Variants in RUNX2 observed in about 807,000 individuals in gnomAD.
RUNX2 encodes RUNX family transcription factor 2.
A neutral mutation model predicts 51.7 loss-of-function variants in RUNX2; 10 were observed. The observed-to-expected ratio is 0.19, with a 90% confidence interval of 0.12 to 0.33. RUNX2 has a LOEUF of 0.33. RUNX2 is among the 10% of genes least tolerant of loss of function. RUNX2 has a pLI of 1.00. For missense variants in RUNX2, 562 were observed against 691.3 expected (o/e 0.81, Z 2.10); for synonymous variants, 276 against 273.6 (o/e 1.01, Z -0.09).
At position 45,475,299 on chromosome 6, in the gene RUNX2, G is replaced by T. The variant is rs183524252; in HGVS notation, c.686-16642G>T. ...ACTTCTATTTGAGGGTGGAGGGGAG[G>T]TTTTATTGAAGTCAAGGCGTTTGAG... On this transcript the variant is annotated intron_variant, in intron 5 of 8. Coordinates refer to ENST00000647337, the MANE Select transcript of RUNX2 (RefSeq NM_001024630.4). Among the ~76,000 whole-genome samples the T allele has an allele frequency of 3.8e-4, 58 of 152,150 alleles. No homozygotes were observed. The East Asian group carries it at 9.7e-3, about 25-fold the overall frequency.
intron 2 of RUNX2, among the ~76,000 whole-genome samples, chr6:45,361,971 A>G (rs1794339116): frequency 6.6e-6 from 1 of 152,190 alleles, no homozygotes; most frequent in South Asian, 2.1e-4. Context: ...AAATCACTTG[A>G]GGCCGGGAGG....
At chr6:45,496,595 T>C (rs1473490928) in intron 6 of RUNX2, among the ~76,000 whole-genome samples, 6 of 152,146 alleles carry the variant, frequency 3.9e-5, no homozygotes, top group Admixed American at 2.6e-4. Flanking sequence ...CTGTGAGGAA[T>C]GACATTTCAG....
At chr6:45,419,870 T>C (rs900909466) in intron 2 of RUNX2, among the ~76,000 whole-genome samples, 2 of 151,164 alleles carry the variant, frequency 1.3e-5, no homozygotes, top group Admixed American at 6.6e-5. Flanking sequence ...TGGCGCAGAA[T>C]CGCTTCTCGG....
chr6:45,423,088 A>G, intron 3 of RUNX2, 131 bp downstream of exon 3: 2 of 1,135,652 alleles, frequency 1.8e-6, no homozygotes, highest in South Asian at 1.5e-5. Context: ...AACCCCAGAA[A>G]CCCCCGGCCG....
At chr6:45,455,904 G>A (rs927326865) in intron 5 of RUNX2, among the ~76,000 whole-genome samples, 3 of 152,166 alleles carry the variant, frequency 2.0e-5, no homozygotes, top group Admixed American at 6.5e-5. Context: ...CCATTGTAGA[G>A]AGGTAATCAT....
At chr6:45,511,391 C>T (rs1044263882) in intron 6 of RUNX2, among the ~76,000 whole-genome samples, 1 of 152,170 alleles carries the variant, frequency 6.6e-6, no homozygotes, top group Non-Finnish European at 1.5e-5. Flanking sequence ...TTCTTCTAAA[C>T]AGATTCCAGT....
intron 3 of RUNX2, among the ~76,000 whole-genome samples, chr6:45,428,467 A>T (rs1280170247): frequency 2.0e-5 from 3 of 152,188 alleles, no homozygotes; most frequent in Non-Finnish European, 4.4e-5. Context: ...GCAGAAAAAA[A>T]ACCAATATAT....
chr6:45,351,538 C>G (rs1165533352), intron 2 of RUNX2, among the ~76,000 whole-genome samples: 1 of 152,128 alleles, frequency 6.6e-6, no homozygotes, highest in Non-Finnish European at 1.5e-5. Flanking sequence ...AAGAAGACTT[C>G]CAGGACGATG....
chr6:45,515,489 A>G (rs1482724122), intron 7 of RUNX2, among the ~76,000 whole-genome samples: 7 of 152,216 alleles, frequency 4.6e-5, no homozygotes, highest in East Asian at 3.8e-4. Flanking sequence ...TTCTATATCC[A>G]TATGTAATTT....
chr6:45,406,650 C>G (rs946425902), intron 2 of RUNX2, among the ~76,000 whole-genome samples: 5 of 152,136 alleles, frequency 3.3e-5, no homozygotes, highest in Admixed American at 1.3e-4. Context: ...AAGTGATCCG[C>G]CCGCCTTGGC....
chr6:45,336,636 C>T (rs921261774), intron 2 of RUNX2, among the ~76,000 whole-genome samples: 5 of 151,224 alleles, frequency 3.3e-5, no homozygotes, highest in Non-Finnish European at 7.4e-5. Context: ...TTTACTCAGA[C>T]GTATTCAAAC....
At chr6:45,429,276 C>T (rs1337453362) in intron 3 of RUNX2, among the ~76,000 whole-genome samples, 1 of 152,144 alleles carries the variant, frequency 6.6e-6, no homozygotes. Context: ...TATTAATATG[C>T]TTACTGGGTC....
At chr6:45,494,485 G>T (rs1477508397) in intron 6 of RUNX2, among the ~76,000 whole-genome samples, 1 of 152,172 alleles carries the variant, frequency 6.6e-6, no homozygotes, top group Non-Finnish European at 1.5e-5. Context: ...AGTAGTAATA[G>T]AATTGATTTA....
intron 2 of RUNX2, among the ~76,000 whole-genome samples, chr6:45,359,087 T>C (rs1453455490): frequency 6.6e-6 from 1 of 152,148 alleles, no homozygotes; most frequent in Non-Finnish European, 1.5e-5. Context: ...TCCCTGGTAA[T>C]TACACATATA....
rs757351966 is a variant in RUNX2 at position 45,546,896 on chromosome 6, G to A, written c.1157G>A (p.Arg386His). ...AGCATTTCATCCCTCACTGAGAGCC[G>A]CTTCTCCAACCCACGAATGCACTAT... The part of the protein sequence containing the change: ...FPSISSLTES[R>H]FSNPRMHYPA... The change falls in exon 9 of 9, where the codon CGC becomes CAC. Residue 386 changes from arginine to histidine, a missense_variant. This residue lies in a region of RUNX2 where 304 missense variants were observed against 353.2 expected (regional missense o/e 0.86). Transcript: ENST00000647337. 9.3e-6 allele frequency: 15 copies of A among 1,613,670 alleles called. No homozygotes were observed. The highest frequency in any genetic ancestry group is 1.3e-5 in the Non-Finnish European group (15 of 1,179,976).
At chr6:45,418,653 T>C (rs893842699) in intron 2 of RUNX2, among the ~76,000 whole-genome samples, 3 of 152,220 alleles carry the variant, frequency 2.0e-5, no homozygotes, top group Non-Finnish European at 4.4e-5. Flanking sequence ...ATGTTTTCTT[T>C]CTTTAAGCAT....
At chr6:45,404,797 C>G (rs532287334) in intron 2 of RUNX2, among the ~76,000 whole-genome samples, 1 of 152,246 alleles carries the variant, frequency 6.6e-6, no homozygotes, top group Non-Finnish European at 1.5e-5. Context: ...GATTTCAATG[C>G]TCCCTTCATG....
At chr6:45,531,641 T>C (rs769063869) in intron 7 of RUNX2, among the ~76,000 whole-genome samples, 1 of 151,928 alleles carries the variant, frequency 6.6e-6, no homozygotes, top group Non-Finnish European at 1.5e-5. Flanking sequence ...TAGTCCCAGC[T>C]ACTTGGGAGG....
chr6:45,519,005 C>G (rs1207298734), intron 7 of RUNX2, among the ~76,000 whole-genome samples: 2 of 152,120 alleles, frequency 1.3e-5, no homozygotes, highest in African/African-American at 4.8e-5. Context: ...TATTGTGCCT[C>G]AGTGGTCCTA....
Sources: gnomAD v4.1 joint callset for allele counts (sites outside exome capture counted in the v4.1 genomes callset) on GRCh38, gnomAD v4.1.1 for gene constraint, gnomAD v4.1.1 regional missense constraint, MANE v1.5 for transcripts, NCBI Gene and HGNC (gene_info 2026-07-23, HGNC 2026-07-21) for gene names.